The following CYP3A43 variants were observed in gnomAD, a reference collection of about 807,000 sequenced individuals.
CYP3A43 encodes cytochrome P450 family 3 subfamily A member 43.
Under a neutral mutation model 58.0 loss-of-function variants are expected in CYP3A43, and 45 were observed. That is an observed-to-expected ratio of 0.78 (90% CI 0.61 to 0.99). The LOEUF is 0.99. CYP3A43 is among the 50% of genes least tolerant of loss of function. The pLI, the probability that CYP3A43 is intolerant of heterozygous loss-of-function variation, is 0.00. For missense variants in CYP3A43, 593 were observed against 591.9 expected (o/e 1.00, Z -0.02); for synonymous variants, 191 against 201.4 (o/e 0.95, Z 0.44).
intron 7 of CYP3A43, among the ~76,000 whole-genome samples, chr7:99,851,577 C>T (rs1817762545): frequency 6.6e-6 from 1 of 152,198 alleles, no homozygotes; most frequent in Non-Finnish European, 1.5e-5. Flanking sequence ...ATCTTTATAT[C>T]TTCTTTAGAT....
chr7:99,842,769 G>A (rs1817385888), intron 3 of CYP3A43, among the ~76,000 whole-genome samples: 1 of 152,126 alleles, frequency 6.6e-6, no homozygotes, highest in African/African-American at 2.4e-5. Context: ...TCATAAGAAA[G>A]CCAGATTCCC....
chr7:99,863,713 CTTATAAATAATGT>C lies in CYP3A43; in HGVS notation c.1416+19_1416+31del. 1 of 1,539,658 alleles carries C rather than the reference CTTATAAATAATGT, an allele frequency of 6.5e-7. No homozygotes were observed. The highest frequency in any genetic ancestry group is 8.7e-7 in the Non-Finnish European group (1 of 1,143,024). ...AAAGAGACTCAGGTCAGTAAACTTT[CTTATAAATAATGT>C]TTATTGGGAGTTTTTTAAACTGAGA... On this transcript the variant is annotated intron_variant, in intron 12 of 12. Coordinates refer to ENST00000354829, the MANE Select transcript of CYP3A43 (RefSeq NM_057095.3).
chr7:99,850,288 A>T (rs1389163925), intron 7 of CYP3A43, among the ~76,000 whole-genome samples: 1 of 150,536 alleles, frequency 6.6e-6, no homozygotes, highest in Admixed American at 6.6e-5. Context: ...TTTTAAACAG[A>T]GTCTAACTCT....
intron 1 of CYP3A43, among the ~76,000 whole-genome samples, chr7:99,828,978 C>T (rs779881466): frequency 3.9e-5 from 6 of 152,178 alleles, no homozygotes; most frequent in Non-Finnish European, 8.8e-5. Context: ...ATAAAATAAC[C>T]TTTGTTCATC....
intron 8 of CYP3A43, among the ~76,000 whole-genome samples, chr7:99,856,074 T>G (rs1287951481): frequency 6.6e-6 from 1 of 152,240 alleles, no homozygotes; most frequent in Non-Finnish European, 1.5e-5. Context: ...AATTATTTTA[T>G]GGGTATTACA....
intron 7 of CYP3A43, 109 bp downstream of exon 7, chr7:99,849,803 A>G: frequency 8.9e-7 from 1 of 1,118,628 alleles, no homozygotes. Context: ...CCTACTTAAA[A>G]TGTATAATTC....
chr7:99,833,166 G>A (rs1233161659), intron 1 of CYP3A43, among the ~76,000 whole-genome samples: 1 of 152,176 alleles, frequency 6.6e-6, no homozygotes, highest in East Asian at 1.9e-4. Flanking sequence ...CAAAAAAGAT[G>A]AGGATTGAAA....
intron 9 of CYP3A43, among the ~76,000 whole-genome samples, chr7:99,857,133 G>T (rs1818013203): frequency 6.6e-6 from 1 of 152,146 alleles, no homozygotes; most frequent in Non-Finnish European, 1.5e-5. Context: ...CCGGAGGTCG[G>T]TCAGTGATCT....
Position 99,849,571 on chromosome 7 carries a change from G to A in CYP3A43, c.547G>A (p.Val183Ile), listed in dbSNP as rs2151609643. 2 of 1,611,266 alleles carry A rather than the reference G, an allele frequency of 1.2e-6. No individual in the cohort carries two copies. The highest frequency in any genetic ancestry group is 2.7e-5 in the African/African-American group (2 of 74,708). The change falls in exon 7 of 13, where the codon GTA becomes ATA. Residue 183 changes from valine (V) to isoleucine (I), a missense_variant. By Grantham distance (29) the Val-to-Ile change is conservative. Coordinates refer to ENST00000354829, the MANE Select transcript of CYP3A43 (RefSeq NM_057095.3). ...TTTCTTTGGGGCCTACACCATGGAT[G>A]TAATCACTGGCACATTATTTGGAGT... is the stretch of plus-strand genomic sequence containing the variant. The part of the protein sequence containing the change: ...KDFFGAYTMD[V>I]ITGTLFGVNL...
intron 9 of CYP3A43, among the ~76,000 whole-genome samples, chr7:99,858,660 GTATTATTATTATTAT>G (rs150747464): frequency 0.13 from 18,847 of 142,130 alleles, 1,341 homozygotes; most frequent in South Asian, 0.17. Context: ...TCTTCCTGCT[GTATTATTATTATTAT>G]TATTATTATT....
intron 2 of CYP3A43, 32 bp downstream of exon 2, chr7:99,836,578 C>A: frequency 1.3e-6 from 2 of 1,498,794 alleles, no homozygotes; most frequent in South Asian, 1.3e-5. Context: ...TCTTTTGCTT[C>A]TTATCGATGC....
chr7:99,860,850 G>A (rs1214927510), intron 10 of CYP3A43, among the ~76,000 whole-genome samples: 1 of 151,722 alleles, frequency 6.6e-6, no homozygotes, highest in Non-Finnish European at 1.5e-5. Flanking sequence ...ACTATTTATA[G>A]GGTTTTTATA....
At chr7:99,858,265 C>A (rs1818072166) in intron 9 of CYP3A43, among the ~76,000 whole-genome samples, 1 of 152,182 alleles carries the variant, frequency 6.6e-6, no homozygotes, top group Non-Finnish European at 1.5e-5. Flanking sequence ...TTACCCACAA[C>A]ATCATCATGA....
intron 7 of CYP3A43, among the ~76,000 whole-genome samples, chr7:99,852,812 A>G (rs993002674): frequency 2.6e-5 from 4 of 152,132 alleles, no homozygotes; most frequent in Non-Finnish European, 5.9e-5. Context: ...TTCTATTTTT[A>G]GTTGCTGAGT....
intron 1 of CYP3A43, among the ~76,000 whole-genome samples, chr7:99,834,610 T>G (rs773350757): frequency 6.6e-6 from 1 of 152,194 alleles, no homozygotes; most frequent in African/African-American, 2.4e-5. Context: ...CGATGCCAAG[T>G]GCGGCTTAGA....
At chr7:99,863,765 TA>T (rs1818338950) in intron 12 of CYP3A43, 66 bp downstream of exon 12, 1 of 1,284,212 alleles carries the variant, frequency 7.8e-7, no homozygotes, top group Non-Finnish European at 1.0e-6. Flanking sequence ...CTACATTTTT[TA>T]AAAATTATTG....
At position 99,828,080 on chromosome 7, in the gene CYP3A43, A is replaced by G; in HGVS notation, c.-36A>G. The stretch of plus-strand genomic sequence containing the variant: ...AAAGAGCAGCACACAGCTGAAAGAA[A>G]AACTCAGAAGACAGAGCTGAAAAAG... On this transcript the variant is annotated 5_prime_UTR_variant, in exon 1 of 13. Coordinates refer to ENST00000354829, the MANE Select transcript of CYP3A43 (RefSeq NM_057095.3). 6.3e-7 allele frequency: 1 copy of G among 1,598,532 alleles called. No homozygotes were observed. The highest frequency in any genetic ancestry group is 8.6e-7 in the Non-Finnish European group (1 of 1,167,466).
At chr7:99,835,624 T>C (rs371892574) in intron 1 of CYP3A43, among the ~76,000 whole-genome samples, 2 of 152,188 alleles carry the variant, frequency 1.3e-5, no homozygotes, top group East Asian at 3.9e-4. Flanking sequence ...GGTCACAGAC[T>C]GAATAGGTGG....
intron 8 of CYP3A43, among the ~76,000 whole-genome samples, chr7:99,856,342 C>A (rs1817981143): frequency 1.3e-5 from 2 of 152,136 alleles, no homozygotes; most frequent in African/African-American, 2.4e-5. Flanking sequence ...AGGACTGGGT[C>A]CCCTAGGTGA....
Sources: gnomAD v4.1 joint callset for allele counts (sites outside exome capture counted in the v4.1 genomes callset) on GRCh38, gnomAD v4.1.1 for gene constraint, MANE v1.5 for transcripts, NCBI Gene and HGNC (gene_info 2026-07-23, HGNC 2026-07-21) for gene names.